Variants in WDR70 observed in about 807,000 individuals in gnomAD.
WDR70 encodes the protein WD repeat domain 70.
In WDR70, 53 loss-of-function variants were observed where a neutral mutation model predicts 88.6. The ratio of observed to expected loss-of-function variants is 0.60; its 90% CI spans 0.48 to 0.75. The LOEUF (loss-of-function observed/expected upper bound fraction) is 0.75, where lower values mean the gene tolerates loss of function less well. Ranked by LOEUF, WDR70 falls within the 30% of genes least tolerant of loss-of-function variation. The probability of loss-of-function intolerance (pLI) is 0.00; values close to 1 mark genes in which losing one functional copy is unlikely to be tolerated. For synonymous variants in WDR70, 280 were observed against 270.0 expected (o/e 1.04, Z -0.36); for missense variants, 610 against 823.2 (o/e 0.74, Z 3.17).
At chr5:37,642,356 T>C (rs1378423389) in intron 10 of WDR70, among the ~76,000 whole-genome samples, 1 of 152,220 alleles carries the variant, frequency 6.6e-6, no homozygotes, top group African/African-American at 2.4e-5. Context: ...TTCTTTAAGT[T>C]TGGAAAATAA....
intron 13 of WDR70, among the ~76,000 whole-genome samples, chr5:37,720,053 T>C (rs1031989324): frequency 5.3e-5 from 8 of 152,108 alleles, no homozygotes; most frequent in African/African-American, 1.9e-4. Flanking sequence ...TTTCAAGATA[T>C]TCTGTCTTAA....
intron 5 of WDR70, among the ~76,000 whole-genome samples, chr5:37,428,054 G>T (rs1437356724): frequency 1.3e-5 from 2 of 150,836 alleles, no homozygotes; most frequent in African/African-American, 4.9e-5. Context: ...CAGCCTTTTG[G>T]ACCATCACCT....
intron 10 of WDR70, among the ~76,000 whole-genome samples, chr5:37,659,150 A>G (rs1391524713): frequency 6.6e-6 from 1 of 152,216 alleles, no homozygotes; most frequent in Non-Finnish European, 1.5e-5. Context: ...TCAGGGAAAA[A>G]GAAAACATGT....
intron 9 of WDR70, among the ~76,000 whole-genome samples, chr5:37,533,390 G>A (rs926532966): frequency 1.3e-5 from 2 of 151,972 alleles, no homozygotes; most frequent in South Asian, 2.1e-4. Context: ...TCAGGAGTTC[G>A]ACACTATCCT....
chr5:37,460,744 A>C (rs1738971912), intron 7 of WDR70, among the ~76,000 whole-genome samples: 1 of 151,674 alleles, frequency 6.6e-6, no homozygotes, highest in Non-Finnish European at 1.5e-5. Context: ...AGAAAACAGC[A>C]GGTTGAGTTG....
rs537892298 is a variant in WDR70 at position 37,456,560 on chromosome 5, AT to A, written c.686+13189del. Among the ~76,000 whole-genome samples, 1,330 of 152,324 alleles carry A rather than the reference AT, an allele frequency of 8.7e-3. 24 individuals are homozygous for A. Among genetic ancestry groups the A allele is most frequent in the African/African-American group, 0.03 (1,259 of 41,578 alleles). The stretch of plus-strand genomic sequence containing the variant: ...TTTCCAAAAAAATTCCACTTTTGTA[AT>A]ATATAATTTATGTATTTGTGTTTTT... On this transcript the variant is annotated intron_variant, in intron 7 of 17. Coordinates refer to ENST00000265107, the MANE Select transcript of WDR70 (RefSeq NM_018034.4).
chr5:37,519,329 C>T (rs958052093), intron 9 of WDR70, among the ~76,000 whole-genome samples: 1 of 150,574 alleles, frequency 6.6e-6, no homozygotes, highest in Non-Finnish European at 1.5e-5. Context: ...CAGAGGCGCT[C>T]CTCACTTCCC....
intron 3 of WDR70, among the ~76,000 whole-genome samples, chr5:37,386,350 A>G (rs1361196408): frequency 6.6e-6 from 1 of 152,008 alleles, no homozygotes; most frequent in East Asian, 1.9e-4. Context: ...TTATTTACTT[A>G]TTTATTTTTT....
At chr5:37,554,559 A>C (rs1231938563) in intron 9 of WDR70, among the ~76,000 whole-genome samples, 1 of 152,138 alleles carries the variant, frequency 6.6e-6, no homozygotes, top group African/African-American at 2.4e-5. Flanking sequence ...CAGAAGCCTT[A>C]AAGTGGTCAA....
chr5:37,678,877 C>T (rs1247818878), intron 10 of WDR70, among the ~76,000 whole-genome samples: 4 of 152,134 alleles, frequency 2.6e-5, no homozygotes, highest in African/African-American at 2.4e-5. Flanking sequence ...ACCAATCAGA[C>T]GTAGATTTGG....
chr5:37,524,309 G>C (rs971338195), intron 9 of WDR70, among the ~76,000 whole-genome samples: 2 of 152,212 alleles, frequency 1.3e-5, no homozygotes, highest in Admixed American at 6.5e-5. Context: ...AGCCAGAAGA[G>C]AGTGGGGGTC....
chr5:37,718,236 T>C (rs943665256), intron 13 of WDR70, among the ~76,000 whole-genome samples: 10 of 152,148 alleles, frequency 6.6e-5, no homozygotes, highest in Non-Finnish European at 1.5e-4. Context: ...TGGAAAGCAA[T>C]TGGACCTTGG....
chr5:37,381,450 A>G, intron 2 of WDR70, 152 bp from the exon 3 acceptor site: 1 of 620,046 alleles, frequency 1.6e-6, no homozygotes, highest in South Asian at 1.7e-5. Flanking sequence ...GTTTTCTGTG[A>G]CTCAAACTCC....
chr5:37,409,906 C>A (rs1272484012), intron 5 of WDR70, among the ~76,000 whole-genome samples: 1 of 152,152 alleles, frequency 6.6e-6, no homozygotes, highest in Non-Finnish European at 1.5e-5. Flanking sequence ...GTGGCTTTAT[C>A]AGTAATTCAG....
At chr5:37,410,389 T>C (rs1452811998) in intron 5 of WDR70, among the ~76,000 whole-genome samples, 1 of 151,898 alleles carries the variant, frequency 6.6e-6, no homozygotes, top group Admixed American at 6.6e-5. Context: ...AATGCTACTT[T>C]CTCATTCCTC....
intron 4 of WDR70, 84 bp downstream of exon 4, chr5:37,392,204 GA>G (rs1244995706): frequency 4.1e-5 from 57 of 1,404,566 alleles, no homozygotes; most frequent in Non-Finnish European, 5.5e-5. Flanking sequence ...TAATTTTTTT[GA>G]GATGGAGTCT....
chr5:37,478,707 C>G lies in WDR70; in HGVS notation c.687-1127C>G, dbSNP rs150257443. 2.4e-4 allele frequency among the ~76,000 whole-genome samples: 37 copies of G among 152,250 alleles called. No homozygotes were observed. In the East Asian group the frequency reaches 6.2e-3, roughly 25 times the overall value. ...ATGGACTATTTTACTGCATATTGAC[C>G]AGTCATTGAATGTGGGCTGTTTTGG... On this transcript the variant is annotated intron_variant, in intron 7 of 17. Transcript: ENST00000265107.
intron 10 of WDR70, chr5:37,688,074 T>C (rs368125892): frequency 4.1e-6 from 2 of 489,514 alleles, no homozygotes; most frequent in Non-Finnish European, 3.7e-6. Flanking sequence ...TGTTTACTTA[T>C]ATTTTCAAAT....
At chr5:37,521,634 C>T in intron 9 of WDR70, among the ~76,000 whole-genome samples, 1 of 151,872 alleles carries the variant, frequency 6.6e-6, no homozygotes, top group Non-Finnish European at 1.5e-5. Flanking sequence ...TAATAGTCTT[C>T]AATTCCATCC....
Sources: allele counts gnomAD v4.1 joint callset (sites outside exome capture counted in the v4.1 genomes callset), GRCh38; gene constraint gnomAD v4.1.1; transcripts MANE v1.5; gene names NCBI Gene and HGNC (gene_info 2026-07-23, HGNC 2026-07-21).